The following P2RX5 variants were observed in gnomAD, a reference collection of about 807,000 sequenced individuals.
P2RX5 encodes the protein purinergic receptor P2X 5.
Under a neutral mutation model 54.1 loss-of-function variants are expected in P2RX5, and 46 were observed. The observed-to-expected ratio is 0.85, with a 90% CI of 0.67 to 1.09. The LOEUF (loss-of-function observed/expected upper bound fraction) is 1.09, where lower values mean the gene tolerates loss of function less well. P2RX5 is among the 50% of genes least tolerant of loss of function. P2RX5 has a pLI of 0.00. For synonymous variants in P2RX5, 226 were observed against 226.4 expected (o/e 1.00, Z 0.02); for missense variants, 566 against 549.8 (o/e 1.03, Z -0.29).
chr17:3,699,975 A>G (rs2050807717), upstream of P2RX5, among the ~76,000 whole-genome samples: 1 of 138,418 alleles, frequency 7.2e-6, no homozygotes, highest in Non-Finnish European at 1.6e-5. Flanking sequence ...AGAAAGAAAG[A>G]AAATTAGTGT....
intron 1 of P2RX5, 116 bp downstream of exon 1, chr17:3,695,753 A>C (rs2050740557): frequency 7.7e-7 from 1 of 1,300,918 alleles, no homozygotes; most frequent in South Asian, 1.2e-5. Context: ...ACAGACCCCC[A>C]GCTACCGGGA....
At chr17:3,680,153 C>T (rs1465021621) in intron 10 of P2RX5, among the ~76,000 whole-genome samples, 1 of 110,988 alleles carries the variant, frequency 9.0e-6, no homozygotes, top group Admixed American at 9.2e-5. Context: ...CTGAGTCCTC[C>T]ATCCGGTGTC....
upstream of P2RX5, among the ~76,000 whole-genome samples, chr17:3,700,782 C>A (rs56958756): frequency 1.3e-5 from 2 of 152,152 alleles, no homozygotes; most frequent in African/African-American, 4.8e-5. Context: ...TCTGGTAGTT[C>A]ACGCGAGAGC....
At chr17:3,720,352 G>C in the P2RX5 span, 1 of 1,591,604 alleles carries the variant, frequency 6.3e-7, no homozygotes, top group Non-Finnish European at 8.6e-7. Context: ...ATAGAGATTT[G>C]TTGAAAGATA....
the P2RX5 span, among the ~76,000 whole-genome samples, chr17:3,706,534 A>G: frequency 6.6e-6 from 1 of 152,174 alleles, no homozygotes; most frequent in Non-Finnish European, 1.5e-5. Context: ...GAACACACAC[A>G]CTGATCTCAT....
chr17:3,699,918 G>A (rs1347695037), upstream of P2RX5, among the ~76,000 whole-genome samples: 4 of 50,012 alleles, frequency 8.0e-5, no homozygotes, highest in East Asian at 1.2e-3. Flanking sequence ...AGGAAGGAAG[G>A]AAAGAAAGAA....
the P2RX5 span, chr17:3,714,542 T>A: frequency 3.6e-5 from 8 of 225,228 alleles, no homozygotes; most frequent in Non-Finnish European, 6.9e-5. Flanking sequence ...TATCATTTTT[T>A]AAAAATAAGA....
chr17:3,695,495 G>A (rs1280424314), intron 1 of P2RX5, among the ~76,000 whole-genome samples: 1 of 152,136 alleles, frequency 6.6e-6, no homozygotes, highest in Non-Finnish European at 1.5e-5. Flanking sequence ...CAAGGCCCAG[G>A]GAGGCTCCTG....
the P2RX5 span, among the ~76,000 whole-genome samples, chr17:3,706,895 C>G: frequency 6.6e-6 from 1 of 152,238 alleles, no homozygotes; most frequent in African/African-American, 2.4e-5. Context: ...CAGGCGTGCG[C>G]CACTGCGCCC....
chr17:3,713,609 G>A, the P2RX5 span, among the ~76,000 whole-genome samples: 1 of 151,888 alleles, frequency 6.6e-6, no homozygotes, highest in African/African-American at 2.4e-5. Context: ...AATTAGCTGG[G>A]CGTGGTGGCG....
chr17:3,678,487 T>C (rs1360855644), intron 11 of P2RX5, among the ~76,000 whole-genome samples: 3 of 152,172 alleles, frequency 2.0e-5, no homozygotes, highest in South Asian at 4.1e-4. Flanking sequence ...ACCCAGGAAG[T>C]AAGAGTCAGC....
the P2RX5 span, among the ~76,000 whole-genome samples, chr17:3,702,001 A>T: frequency 3.5e-3 from 526 of 152,006 alleles, 2 homozygotes; most frequent in African/African-American, 0.012. Context: ...CTGGTCTCGA[A>T]CTCCTGGCCT....
At chr17:3,716,655 T>G in the P2RX5 span, 1 of 1,262,882 alleles carries the variant, frequency 7.9e-7, no homozygotes, top group East Asian at 2.3e-5. Context: ...GAGCCCAGTC[T>G]TCCCTCACTG....
chr17:3,719,566 T>C, the P2RX5 span, among the ~76,000 whole-genome samples: 1 of 152,290 alleles, frequency 6.6e-6, no homozygotes, highest in South Asian at 2.1e-4. Context: ...AGTCATACTT[T>C]TGCAAAAAGA....
intron 11 of P2RX5, chr17:3,675,841 G>A: frequency 2.0e-6 from 2 of 984,860 alleles, no homozygotes; most frequent in Non-Finnish European, 2.4e-6. Flanking sequence ...GTGAGCCACT[G>A]CGCCCAGCCT....
intron 1 of P2RX5, among the ~76,000 whole-genome samples, chr17:3,693,857 T>C (rs907325439): frequency 4.0e-5 from 6 of 151,880 alleles, no homozygotes; most frequent in African/African-American, 1.5e-4. Context: ...ACAGTCTTGC[T>C]CTGCTGCCCA....
chr17:3,703,067 C>A, the P2RX5 span, among the ~76,000 whole-genome samples: 1 of 152,194 alleles, frequency 6.6e-6, no homozygotes, highest in South Asian at 2.1e-4. Context: ...TGGGGGAAAC[C>A]AGACTCTCCT....
chr17:3,707,151 C>T, the P2RX5 span, among the ~76,000 whole-genome samples: 11 of 152,062 alleles, frequency 7.2e-5, no homozygotes, highest in East Asian at 5.8e-4. Context: ...AGCTGATAGA[C>T]GGTTGGGAAA....
At chr17:3,699,922 GAAAGAAAGAAAGAA>G (rs2050806227), upstream of P2RX5, among the ~76,000 whole-genome samples, 4 of 64,356 alleles carry the variant, frequency 6.2e-5, no homozygotes, top group African/African-American at 1.9e-4. Flanking sequence ...AGGAAGGAAA[GAAAGAAAGAAAGAA>G]AGAAAGAAAG....
Sources: gnomAD v4.1 joint callset for allele counts (sites outside exome capture counted in the v4.1 genomes callset) on GRCh38, gnomAD v4.1.1 for gene constraint, MANE v1.5 for transcripts, NCBI Gene and HGNC (gene_info 2026-07-23, HGNC 2026-07-21) for gene names.